Variants in DLGAP2 observed in about 807,000 individuals in gnomAD.
The protein encoded by DLGAP2 is DLG associated protein 2.
In DLGAP2, 26 loss-of-function variants were observed where a neutral mutation model predicts 100.3. The observed-to-expected ratio is 0.26, with a 90% CI of 0.19 to 0.36. The LOEUF (loss-of-function observed/expected upper bound fraction) is 0.36. Among genes scored for constraint, DLGAP2 ranks in the 10% least tolerant of loss-of-function variants. DLGAP2 has a pLI of 1.00. For synonymous variants in DLGAP2, 886 were observed against 630.1 expected (o/e 1.41, Z -6.08); for missense variants, 1,858 against 1,453.2 (o/e 1.28, Z -4.53).
intron 2 of DLGAP2, among the ~76,000 whole-genome samples, chr8:1,039,784 A>T (rs74781273): frequency 1.4e-5 from 1 of 72,412 alleles, no homozygotes; most frequent in South Asian, 4.9e-4. Context: ...TTGGCTCGGT[A>T]TGCATGTTCA....
At chr8:1,070,713 G>A (rs1803401954) in intron 2 of DLGAP2, among the ~76,000 whole-genome samples, 1 of 152,222 alleles carries the variant, frequency 6.6e-6, no homozygotes. Context: ...CATGGGGAAA[G>A]TTAGCCTTCA....
chr8:1,689,037 C>G (rs1045938016), intron 12 of DLGAP2, among the ~76,000 whole-genome samples: 1 of 152,172 alleles, frequency 6.6e-6, no homozygotes, highest in African/African-American at 2.4e-5. Context: ...GTTTCTGGAT[C>G]GTGTGCAATG....
intron 3 of DLGAP2, among the ~76,000 whole-genome samples, chr8:1,333,549 G>A (rs549935869): frequency 6.6e-6 from 1 of 152,254 alleles, no homozygotes; most frequent in South Asian, 2.1e-4. Context: ...TGTGTGCAGG[G>A]TTTGTTCATC....
chr8:1,383,719 T>C (rs1005026422), intron 3 of DLGAP2, among the ~76,000 whole-genome samples: 1 of 152,202 alleles, frequency 6.6e-6, no homozygotes, highest in South Asian at 2.1e-4. Context: ...GTGAAAACTT[T>C]GCAGTATTAG....
chr8:1,271,383 A>G (rs912914429), intron 3 of DLGAP2, among the ~76,000 whole-genome samples: 4 of 152,204 alleles, frequency 2.6e-5, no homozygotes, highest in African/African-American at 7.2e-5. Context: ...CACTGGGGAC[A>G]TAGTGACTTC....
intron 2 of DLGAP2, among the ~76,000 whole-genome samples, chr8:1,189,102 C>G (rs1208333136): frequency 2.8e-5 from 4 of 143,056 alleles, no homozygotes; most frequent in African/African-American, 1.2e-4. Context: ...TTGGGGTTGA[C>G]CTTACACAGG....
intron 6 of DLGAP2, among the ~76,000 whole-genome samples, chr8:1,616,406 C>T (rs1361260026): frequency 6.6e-6 from 1 of 151,948 alleles, no homozygotes; most frequent in African/African-American, 2.4e-5. Flanking sequence ...TCAGTGAACT[C>T]TAAGAAGATA....
chr8:1,391,210 T>G (rs961435064), intron 3 of DLGAP2, among the ~76,000 whole-genome samples: 14 of 152,256 alleles, frequency 9.2e-5, no homozygotes, highest in African/African-American at 3.4e-4. Flanking sequence ...GGGGACATTG[T>G]GCAGGATGTT....
chr8:774,443 C>T (rs1365472109), intron 1 of DLGAP2, among the ~76,000 whole-genome samples: 26 of 152,256 alleles, frequency 1.7e-4, no homozygotes, highest in Admixed American at 3.9e-4. Context: ...TCCTGAATGG[C>T]AATGCCTAGG....
chr8:1,039,865 C>T (rs553027076), intron 2 of DLGAP2, among the ~76,000 whole-genome samples: 33 of 146,976 alleles, frequency 2.2e-4, no homozygotes, highest in Middle Eastern at 3.9e-3. Flanking sequence ...TGTGCGTGGT[C>T]GGCTCATTGT....
intron 3 of DLGAP2, among the ~76,000 whole-genome samples, chr8:1,445,046 A>T (rs1370908261): frequency 4.0e-5 from 6 of 149,568 alleles, no homozygotes; most frequent in Non-Finnish European, 8.9e-5. Context: ...CTGGGATTAC[A>T]GGCATGAGCC....
intron 2 of DLGAP2, among the ~76,000 whole-genome samples, chr8:1,086,479 A>G (rs1353567933): frequency 6.6e-6 from 1 of 152,212 alleles, no homozygotes; most frequent in African/African-American, 2.4e-5. Context: ...TAGAGTGAAT[A>G]TGTGTATAAA....
At chr8:1,551,158 G>A (rs1801753137) in intron 5 of DLGAP2, among the ~76,000 whole-genome samples, 1 of 152,252 alleles carries the variant, frequency 6.6e-6, no homozygotes, top group Non-Finnish European at 1.5e-5. Context: ...CAAATTGGTA[G>A]TTGCATAAAA....
At chr8:1,678,775 A>G (rs1798873841) in intron 12 of DLGAP2, 146 bp downstream of exon 12, 1 of 840,124 alleles carries the variant, frequency 1.2e-6, no homozygotes, top group Non-Finnish European at 1.7e-6. Context: ...ATCCCCCTCA[A>G]TTCTAAGAAA....
At chr8:1,218,166 A>C (rs1455379657) in intron 2 of DLGAP2, among the ~76,000 whole-genome samples, 1 of 152,136 alleles carries the variant, frequency 6.6e-6, no homozygotes, top group East Asian at 1.9e-4. Context: ...GTTTGCCAAC[A>C]CTATGTTCAG....
chr8:1,052,509 G>C (rs1802748832), intron 2 of DLGAP2, among the ~76,000 whole-genome samples: 1 of 152,194 alleles, frequency 6.6e-6, no homozygotes, highest in Admixed American at 6.5e-5. Flanking sequence ...CTTTGGAGGA[G>C]TTACTATATT....
At chr8:1,356,135 T>C (rs1428553918) in intron 3 of DLGAP2, among the ~76,000 whole-genome samples, 1 of 152,164 alleles carries the variant, frequency 6.6e-6, no homozygotes, top group Non-Finnish European at 1.5e-5. Context: ...ACGGTTCGTG[T>C]GGACCTCACA....
chr8:1,644,884 C>G (rs981434296), intron 8 of DLGAP2, among the ~76,000 whole-genome samples: 2 of 152,114 alleles, frequency 1.3e-5, no homozygotes. Flanking sequence ...TAAAAATATT[C>G]TGAAAACATT....
rs1173237290 is a variant in DLGAP2, at chr8:1,704,704, A to G, written c.*3298A>G. ...ACTCCAAATCAATTCTAAAAACTTC[A>G]AGCACTTAATGGAAAGGTAAATGGT... On this transcript the variant is annotated 3_prime_UTR_variant, in exon 15 of 15. Coordinates refer to ENST00000637795, the MANE Select transcript of DLGAP2 (RefSeq NM_001346810.2). The G allele has an allele frequency of 6.6e-6, 1 of 152,204 alleles. No individual in the cohort carries two copies. Among genetic ancestry groups the G allele is most frequent in the Non-Finnish European group, 1.5e-5 (1 of 68,030 alleles). The allele number at this position is 152,204 out of a possible 1,614,324, so 9.4% of individuals were successfully genotyped here. A position where few individuals can be genotyped will look rare whatever the true frequency, so the allele number is the denominator to read the frequency against.
Sources: gnomAD v4.1 joint callset for allele counts (sites outside exome capture counted in the v4.1 genomes callset) on GRCh38, gnomAD v4.1.1 for gene constraint, MANE v1.5 for transcripts, NCBI Gene and HGNC (gene_info 2026-07-23, HGNC 2026-07-21) for gene names.